The following GAB2 variants were observed in gnomAD, a reference collection of about 807,000 sequenced individuals.
GAB2 encodes the protein GRB2 associated binding protein 2, also known as GRB2-associated-binding protein 2.
In GAB2, 26 loss-of-function variants were observed where a neutral mutation model predicts 65.5. The ratio of observed to expected loss-of-function variants is 0.40; its 90% CI spans 0.29 to 0.55. The LOEUF (loss-of-function observed/expected upper bound fraction) is 0.55, where lower values mean the gene tolerates loss of function less well. Ranked by LOEUF, GAB2 falls within the 20% of genes least tolerant of loss-of-function variation. GAB2 has a pLI of 0.53. For synonymous variants in GAB2, 321 were observed against 329.6 expected (o/e 0.97, Z 0.28); for missense variants, 884 against 875.8 (o/e 1.01, Z -0.12).
chr11:78,411,611 G>A (rs1480051603), intron 1 of GAB2, among the ~76,000 whole-genome samples: 3 of 152,120 alleles, frequency 2.0e-5, no homozygotes, highest in Non-Finnish European at 4.4e-5. Context: ...AAGTAGGATG[G>A]CTTTGTCAAC....
chr11:78,250,216 G>C lies in GAB2; in HGVS notation c.561C>G (p.Ser187Arg). 6.2e-7 allele frequency: 1 copy of C among 1,613,252 alleles called. No individual in the cohort carries two copies. Among genetic ancestry groups the C allele is most frequent in the South Asian group, 1.1e-5 (1 of 90,962 alleles). Reference sequence around the variant, plus strand: ...GCAAGTAGAGATACTCCTGAGGTGCGCTGGTGGACAAGGTGGGCTGCATGT... The same window carrying C: ...GCAAGTAGAGATACTCCTGAGGTGCCCTGGTGGACAAGGTGGGCTGCATGT... ...SNHMQPTLSTSAPQEYLYLHQ... is the reference protein window; with the variant it reads ...SNHMQPTLSTRAPQEYLYLHQ... The change falls in exon 3 of 10, where the codon AGC becomes AGG. Residue 187 changes from serine (S) to arginine (R), a missense_variant. By Grantham distance (110) the Ser-to-Arg change is moderately radical. Coordinates refer to ENST00000361507, the MANE Select transcript of GAB2 (RefSeq NM_080491.3).
intron 1 of GAB2, among the ~76,000 whole-genome samples, chr11:78,356,150 G>A (rs1356737748): frequency 3.3e-5 from 5 of 149,356 alleles, no homozygotes; most frequent in Admixed American, 6.7e-5. Context: ...TCTAGCCTGG[G>A]TGAAAGAGCA....
intron 2 of GAB2, 42 bp from the exon 3 acceptor site, chr11:78,250,442 A>AT: frequency 6.4e-7 from 1 of 1,565,696 alleles, no homozygotes; most frequent in Non-Finnish European, 8.8e-7. Flanking sequence ...AAGGAAGGAA[A>AT]TGTATCCTTA....
chr11:78,288,462 C>T (rs1373567659), intron 1 of GAB2, among the ~76,000 whole-genome samples: 5 of 150,106 alleles, frequency 3.3e-5, no homozygotes, highest in Admixed American at 2.0e-4. Flanking sequence ...CCCAACAAAA[C>T]TCTCAGGACG....
chr11:78,345,088 C>T lies in GAB2; in HGVS notation c.76-64187G>A, dbSNP rs1225408336. Reference sequence around the variant, plus strand: ...TGAGCTTAGGAGTTCAAGACCAGCCCGCGCAACATGGCAAAACCCCGTCTC... The same window carrying T: ...TGAGCTTAGGAGTTCAAGACCAGCCTGCGCAACATGGCAAAACCCCGTCTC... On this transcript the variant is annotated intron_variant, in intron 1 of 9. Coordinates refer to ENST00000361507, the MANE Select transcript of GAB2 (RefSeq NM_080491.3). Among the ~76,000 whole-genome samples the T allele has an allele frequency of 2.0e-5, 3 of 152,006 alleles. No individual in the cohort carries two copies. The East Asian group carries it at 5.8e-4, about 29-fold the overall frequency.
chr11:78,251,114 TA>T (rs10708329), intron 2 of GAB2, among the ~76,000 whole-genome samples: 16,274 of 108,738 alleles, frequency 0.15, 2,735 homozygotes, highest in African/African-American at 0.41. Flanking sequence ...AGTTGAAATT[TA>T]AAAAAAAAAT....
At chr11:78,289,121 T>C (rs773382891) in intron 1 of GAB2, among the ~76,000 whole-genome samples, 12 of 152,170 alleles carry the variant, frequency 7.9e-5, no homozygotes, top group Non-Finnish European at 8.8e-5. Flanking sequence ...AGAAAACAGC[T>C]AGTTGTCATG....
intron 1 of GAB2, among the ~76,000 whole-genome samples, chr11:78,324,386 A>G (rs1855786091): frequency 6.6e-6 from 1 of 152,302 alleles, no homozygotes; most frequent in South Asian, 2.1e-4. Flanking sequence ...CTCTACTCAC[A>G]AATGTGCCTG....
chr11:78,223,544 T>C lies in GAB2; in HGVS notation c.1435A>G (p.Met479Val), dbSNP rs760565831. 2.0e-5 allele frequency: 32 copies of C among 1,613,616 alleles called. No homozygotes were observed. In the East Asian group the frequency reaches 3.1e-4, roughly 16 times the overall value. The stretch of plus-strand genomic sequence containing the variant: ...TCAAAGTGATGGGCCCCTGGGCTCA[T>C]TGGGATGTAGACGCTCTGGGAATTA... ...GDNSQSVYIP[M>V]SPGAHHFDSL... Residue 479 changes from methionine (M) to valine (V), a missense_variant, in exon 6 of 10, where the codon ATG becomes GTG. Physicochemically the swap from Met to Val is conservative, Grantham distance 21. Transcript: ENST00000361507.
At chr11:78,405,760 T>C (rs902897336) in intron 1 of GAB2, among the ~76,000 whole-genome samples, 1 of 152,178 alleles carries the variant, frequency 6.6e-6, no homozygotes, top group Non-Finnish European at 1.5e-5. Flanking sequence ...AGTGATAAAT[T>C]CCATGAGTTT....
rs142455789 is a variant in GAB2 at position 78,220,344 on chromosome 11, G to A, written c.1862C>T (p.Pro621Leu). 23 of 1,612,688 alleles carry A rather than the reference G, an allele frequency of 1.4e-5. No individual in the cohort carries two copies. The highest frequency in any genetic ancestry group is 9.4e-5 in the African/African-American group (7 of 74,862). The change falls in exon 9 of 10, where the codon CCG becomes CTG. Residue 621 changes from proline to leucine, a missense_variant. Coordinates refer to ENST00000361507, the MANE Select transcript of GAB2 (RefSeq NM_080491.3). The part of the protein sequence containing the change: ...SVDYLALDFQ[P>L]SSPSPHRKPS... ...CTTGCGGTGGGGGCTTGGGGAGCTC[G>A]GCTGGAAGTCCAGGGCCAGATAATC...
At chr11:78,347,634 A>T (rs930409676) in intron 1 of GAB2, among the ~76,000 whole-genome samples, 3 of 152,230 alleles carry the variant, frequency 2.0e-5, no homozygotes, top group Non-Finnish European at 4.4e-5. Context: ...ACAAACATTA[A>T]CTTGAACTGG....
chr11:78,336,884 A>G (rs950764039), intron 1 of GAB2, among the ~76,000 whole-genome samples: 8 of 152,248 alleles, frequency 5.3e-5, no homozygotes, highest in Non-Finnish European at 7.3e-5. Context: ...ATTAATGACA[A>G]GAAGTGATAT....
At chr11:78,279,523 A>T (rs980794514) in intron 2 of GAB2, among the ~76,000 whole-genome samples, 1 of 152,158 alleles carries the variant, frequency 6.6e-6, no homozygotes, top group Non-Finnish European at 1.5e-5. Flanking sequence ...TTTTTAGTAT[A>T]CTCATGAAAG....
intron 1 of GAB2, among the ~76,000 whole-genome samples, chr11:78,341,521 T>G (rs368440656): frequency 7.2e-5 from 11 of 152,184 alleles, no homozygotes. Context: ...ATTGAGATGA[T>G]GAAAGAAGCA....
At chr11:78,319,308 A>G (rs192024940) in intron 1 of GAB2, among the ~76,000 whole-genome samples, 1 of 152,302 alleles carries the variant, frequency 6.6e-6, no homozygotes, top group African/African-American at 2.4e-5. Context: ...TGTTAGTATT[A>G]TGTGTTTGGA....
In GAB2 at chr11:78,286,035, T is replaced by C. The variant is rs1193012407; in HGVS notation, c.76-5134A>G. Among the ~76,000 whole-genome samples the C allele has an allele frequency of 2.0e-5, 3 of 151,832 alleles. No homozygotes were observed. In the East Asian group the frequency reaches 5.8e-4, roughly 30 times the overall value. ...CCGCTCTCACCTCAATTATGTTTCC[T>C]TCCTCCATCGCTCTTTCCCTCCTTT... On this transcript the variant is annotated intron_variant, in intron 1 of 9. Transcript: ENST00000361507.
chr11:78,354,611 AG>A (rs1856330406), intron 1 of GAB2, among the ~76,000 whole-genome samples: 2 of 152,232 alleles, frequency 1.3e-5, no homozygotes, highest in African/African-American at 4.8e-5. Flanking sequence ...TGGTCTGGAC[AG>A]CAATACAGCT....
In GAB2 at chr11:78,398,041, C is replaced by CACACACACACAT. The variant is rs57095813; in HGVS notation, c.75+19604_75+19605insATGTGTGTGTGT. ...ATAGCTACACACACACACACACACA[C>CACACACACACAT]ATCCCTGGCCTATACTCAATGTTTT... On this transcript the variant is annotated intron_variant, in intron 1 of 9. Coordinates refer to ENST00000361507, the MANE Select transcript of GAB2 (RefSeq NM_080491.3). Among the ~76,000 whole-genome samples the CACACACACACAT allele has an allele frequency of 4.6e-4, 70 of 151,512 alleles. No individual in the cohort carries two copies. The East Asian group carries it at 6.0e-3, about 13-fold the overall frequency.
Sources: gnomAD v4.1 joint callset for allele counts (sites outside exome capture counted in the v4.1 genomes callset) on GRCh38, gnomAD v4.1.1 for gene constraint, MANE v1.5 for transcripts, NCBI Gene and HGNC (gene_info 2026-07-23, HGNC 2026-07-21) for gene names.